The following DENND5B variants were observed in gnomAD, a reference collection of about 807,000 sequenced individuals.
DENND5B encodes the protein DENN domain-containing protein 5B.
A neutral mutation model predicts 140.6 loss-of-function variants in DENND5B; 34 were observed. That is an observed-to-expected ratio of 0.24 (90% CI 0.18 to 0.32). The LOEUF (loss-of-function observed/expected upper bound fraction) is 0.32, where lower values mean the gene tolerates loss of function less well. DENND5B is among the 10% of genes least tolerant of loss of function. DENND5B has a pLI of 1.00. For missense variants in DENND5B, 1,142 were observed against 1,560.2 expected (o/e 0.73, Z 4.52); for synonymous variants, 551 against 562.1 (o/e 0.98, Z 0.28).
At chr12:31,553,006 A>G (rs919195040) in intron 1 of DENND5B, among the ~76,000 whole-genome samples, 4 of 152,126 alleles carry the variant, frequency 2.6e-5, no homozygotes, top group Admixed American at 2.0e-4. Flanking sequence ...ATCTTTTCAA[A>G]AAACCAGGTC....
intron 1 of DENND5B, among the ~76,000 whole-genome samples, chr12:31,573,792 G>C (rs1379532068): frequency 6.6e-6 from 1 of 152,156 alleles, no homozygotes; most frequent in African/African-American, 2.4e-5. Context: ...GTATCAAAGA[G>C]ATAAAGAGAA....
intron 1 of DENND5B, among the ~76,000 whole-genome samples, chr12:31,509,259 C>T (rs1947319160): frequency 6.6e-6 from 1 of 152,156 alleles, no homozygotes; most frequent in Non-Finnish European, 1.5e-5. Context: ...CAAAGCTTTT[C>T]CTCTGTCGAC....
chr12:31,571,949 G>C (rs1399956168), intron 1 of DENND5B, among the ~76,000 whole-genome samples: 5 of 152,204 alleles, frequency 3.3e-5, no homozygotes, highest in Admixed American at 3.3e-4. Flanking sequence ...GCCAGGCCAG[G>C]TGCAGTGGCT....
intron 1 of DENND5B, among the ~76,000 whole-genome samples, chr12:31,529,162 CAA>C (rs57966147): frequency 4.4e-5 from 5 of 113,218 alleles, no homozygotes; most frequent in Non-Finnish European, 7.4e-5. Context: ...AACTCTGTCT[CAA>C]AAAAAAAAAA....
intron 3 of DENND5B, among the ~76,000 whole-genome samples, chr12:31,469,534 TTTC>T (rs1335733664): frequency 6.6e-6 from 1 of 152,160 alleles, no homozygotes; most frequent in Non-Finnish European, 1.5e-5. Context: ...AGTAAAGTGC[TTTC>T]TTGAGTTCTG....
intron 2 of DENND5B, among the ~76,000 whole-genome samples, chr12:31,493,047 G>C (rs191459910): frequency 4.6e-5 from 7 of 152,306 alleles, no homozygotes; most frequent in African/African-American, 1.7e-4. Context: ...GCCCAGGCTG[G>C]AAAGAGTTTA....
intron 8 of DENND5B, among the ~76,000 whole-genome samples, chr12:31,429,056 A>C (rs954269034): frequency 6.8e-6 from 1 of 147,202 alleles, no homozygotes; most frequent in African/African-American, 2.5e-5. Context: ...TTATATTTTT[A>C]AGAGACGGGG....
chr12:31,405,518 G>GTATGTATC (rs1002395273), intron 14 of DENND5B, among the ~76,000 whole-genome samples: 2 of 146,344 alleles, frequency 1.4e-5, no homozygotes, highest in Admixed American at 1.4e-4. Flanking sequence ...TGCCATGTAT[G>GTATGTATC]TATGTATGTA....
chr12:31,494,207 C>T (rs1415547512), intron 2 of DENND5B, among the ~76,000 whole-genome samples: 28 of 75,038 alleles, frequency 3.7e-4, no homozygotes, highest in African/African-American at 1.2e-3. Context: ...CATCCACCTA[C>T]CTACCTACCT....
chr12:31,590,144 G>A (rs1409563012), intron 1 of DENND5B: 1 of 152,280 alleles, frequency 6.6e-6, no homozygotes. Flanking sequence ...ACCGCAGAGC[G>A]GCAGGCGGCG....
intron 4 of DENND5B, among the ~76,000 whole-genome samples, chr12:31,456,460 G>C (rs1166591782): frequency 1.3e-5 from 2 of 151,928 alleles, no homozygotes; most frequent in Non-Finnish European, 2.9e-5. Flanking sequence ...GATCTTCTCT[G>C]TTCATTCATT....
At chr12:31,493,941 C>T (rs1210742823) in intron 2 of DENND5B, among the ~76,000 whole-genome samples, 2 of 152,042 alleles carry the variant, frequency 1.3e-5, no homozygotes, top group Non-Finnish European at 2.9e-5. Context: ...CCCATTCTTA[C>T]GTATATACCC....
rs765355515 is a variant in DENND5B, at chr12:31,495,866, C to T, written c.181G>A (p.Ala61Thr). 1.4e-5 allele frequency: 23 copies of T among 1,612,920 alleles called. No homozygotes were observed. Among genetic ancestry groups the T allele is most frequent in the African/African-American group, 5.3e-5 (4 of 74,898 alleles). ...LRRTFKSKVLAHYPQNIEWNP... is the reference protein window; with the variant it reads ...LRRTFKSKVLTHYPQNIEWNP... The stretch of plus-strand genomic sequence containing the variant: ...CATTCTATATTCTGAGGATAGTGGG[C>T]GAGAACTTTGGATTTGAATGTTCTT... The change falls in exon 2 of 21, where the codon GCC becomes ACC. Residue 61 changes from alanine to threonine, a missense_variant. Physicochemically the swap from Ala to Thr is moderately conservative, Grantham distance 58. Coordinates refer to ENST00000389082, the MANE Select transcript of DENND5B (RefSeq NM_144973.4).
chr12:31,508,291 C>CA (rs1382498708), intron 1 of DENND5B, among the ~76,000 whole-genome samples: 1 of 152,024 alleles, frequency 6.6e-6, no homozygotes, highest in African/African-American at 2.4e-5. Context: ...ATACTATCAC[C>CA]AAAAAAATTT....
At chr12:31,421,231 G>A (rs1423248212) in intron 11 of DENND5B, among the ~76,000 whole-genome samples, 1 of 151,924 alleles carries the variant, frequency 6.6e-6, no homozygotes, top group Non-Finnish European at 1.5e-5. Flanking sequence ...TTTTAGTAGA[G>A]AGTGGGTTTC....
At chr12:31,499,820 T>C (rs942989130) in intron 1 of DENND5B, 1 of 543,536 alleles carries the variant, frequency 1.8e-6, no homozygotes, top group East Asian at 3.3e-5. Context: ...TTAACACCAA[T>C]GGAATGTAGC....
At position 31,399,127 on chromosome 12, in the gene DENND5B, C is replaced by CAAAAA. The variant is rs1491109183; in HGVS notation, c.3068+522_3068+526dup. Among the ~76,000 whole-genome samples the CAAAAA allele has an allele frequency of 7.2e-4, 10 of 13,824 alleles. 1 individual carries two copies. Among genetic ancestry groups the CAAAAA allele is most frequent in the Non-Finnish European group, 1.1e-3 (8 of 7,486 alleles). 9.1% of individuals were successfully genotyped at this position (13,824 alleles called of 152,430 possible). On this transcript the variant is annotated intron_variant, in intron 16 of 20. Coordinates refer to ENST00000389082, the MANE Select transcript of DENND5B (RefSeq NM_144973.4). ...ACAAGAGTGAAACTCTGTCTCAGCCCAAAAAAAAAAAAAAAAAAGAGAGAG... is the reference window on the plus strand; with the variant it reads ...ACAAGAGTGAAACTCTGTCTCAGCCCAAAAAAAAAAAAAAAAAAAAAAAGAGAGAG...
chr12:31,460,448 G>T, intron 3 of DENND5B, 67 bp from the exon 4 acceptor site: 1 of 1,488,860 alleles, frequency 6.7e-7, no homozygotes, highest in Non-Finnish European at 9.1e-7. Flanking sequence ...CATTAAGCTG[G>T]AAAATGTGGA....
chr12:31,479,846 G>C lies in DENND5B; in HGVS notation c.647C>G (p.Thr216Ser), dbSNP rs770590606. Residue 216 changes from threonine to serine, a missense_variant, in exon 3 of 21, where the codon ACC becomes AGC. Coordinates refer to ENST00000389082, the MANE Select transcript of DENND5B (RefSeq NM_144973.4). ...KFLIQLYKAVTSQQPPPLPLE... is the reference protein window; with the variant it reads ...KFLIQLYKAVSSQQPPPLPLE... ...TGGCAAGGGTGGTGGCTGCTGTGAG[G>C]TAACAGCCTTGTAAAGCTGGATAAG... 8 of 1,613,826 alleles carry C rather than the reference G, an allele frequency of 5.0e-6. No homozygotes were observed. The highest frequency in any genetic ancestry group is 2.7e-5 in the African/African-American group (2 of 74,932).
Sources: gnomAD v4.1 joint callset for allele counts (sites outside exome capture counted in the v4.1 genomes callset) on GRCh38, gnomAD v4.1.1 for gene constraint, MANE v1.5 for transcripts, NCBI Gene and HGNC (gene_info 2026-07-23, HGNC 2026-07-21) for gene names.